Variants in GPR176 observed in about 807,000 individuals in gnomAD.
The protein encoded by GPR176 is G protein-coupled receptor 176.
Under a neutral mutation model 35.4 loss-of-function variants are expected in GPR176, and 26 were observed. The ratio of observed to expected loss-of-function variants is 0.74; its 90% CI spans 0.54 to 1.02. The LOEUF is 1.02. Among genes scored for constraint, GPR176 ranks in the 50% least tolerant of loss-of-function variants. The pLI is 0.00. For synonymous variants in GPR176, 278 were observed against 271.3 expected (o/e 1.02, Z -0.24); for missense variants, 597 against 665.3 (o/e 0.90, Z 1.13).
At chr15:39,808,648 T>C (rs1484412033) in intron 1 of GPR176, among the ~76,000 whole-genome samples, 1 of 152,238 alleles carries the variant, frequency 6.6e-6, no homozygotes, top group East Asian at 1.9e-4. Context: ...GAAGAAAAAC[T>C]GTATCAATCT....
intron 1 of GPR176, among the ~76,000 whole-genome samples, chr15:39,811,411 T>A (rs1159888290): frequency 6.6e-6 from 1 of 152,184 alleles, no homozygotes; most frequent in Non-Finnish European, 1.5e-5. Flanking sequence ...TGATCCCATC[T>A]GTTCTTTTTT....
At chr15:39,863,061 T>G (rs960354188) in intron 1 of GPR176, among the ~76,000 whole-genome samples, 12 of 148,950 alleles carry the variant, frequency 8.1e-5, no homozygotes, top group Non-Finnish European at 1.5e-4. Context: ...TAGTTTTTCT[T>G]TTTTTTTTTT....
chr15:39,912,366 C>T (rs1412874183), intron 1 of GPR176, among the ~76,000 whole-genome samples: 1 of 151,980 alleles, frequency 6.6e-6, no homozygotes, highest in African/African-American at 2.4e-5. Context: ...CCTGTAATCC[C>T]AGCACTTTGG....
At chr15:39,848,393 G>A (rs2030598543) in intron 1 of GPR176, among the ~76,000 whole-genome samples, 1 of 152,102 alleles carries the variant, frequency 6.6e-6, no homozygotes, top group Non-Finnish European at 1.5e-5. Context: ...CCCTCTTTCA[G>A]CAACTGATAA....
chr15:39,894,749 C>T lies in GPR176; in HGVS notation c.172+25106G>A, dbSNP rs1295488110. Among the ~76,000 whole-genome samples the T allele has an allele frequency of 3.3e-5, 5 of 150,682 alleles. No homozygotes were observed. In the East Asian group the frequency reaches 6.0e-4, roughly 18 times the overall value. On this transcript the variant is annotated intron_variant, in intron 1 of 2. Transcript: ENST00000561100. ...TCACTTTCCAGACTGGGCAGCCAGG[C>T]AGAGGGGCTCCTCACATCCCAGATG... is the stretch of plus-strand genomic sequence containing the variant.
At position 39,901,192 on chromosome 15, in the gene GPR176, T is replaced by A. The variant is rs530935731; in HGVS notation, c.172+18663A>T. Among the ~76,000 whole-genome samples the A allele has an allele frequency of 7.9e-5, 12 of 152,218 alleles. No homozygotes were observed. The East Asian group carries it at 2.3e-3, about 29-fold the overall frequency. On this transcript the variant is annotated intron_variant, in intron 1 of 2. Transcript: ENST00000561100. Reference sequence around the variant, plus strand: ...TTTATATTAATACCCAACACTACCTTTATATTAATAACAAGATGTACCCAA... The same window carrying A: ...TTTATATTAATACCCAACACTACCTATATATTAATAACAAGATGTACCCAA...
intron 1 of GPR176, among the ~76,000 whole-genome samples, chr15:39,826,973 C>A (rs962194520): frequency 6.6e-6 from 1 of 152,070 alleles, no homozygotes; most frequent in African/African-American, 2.4e-5. Flanking sequence ...TGGGTGGTGT[C>A]CACTGAAGAA....
intron 1 of GPR176, among the ~76,000 whole-genome samples, chr15:39,877,921 A>G (rs1016087373): frequency 6.6e-6 from 1 of 152,096 alleles, no homozygotes; most frequent in Non-Finnish European, 1.5e-5. Flanking sequence ...GTTCAAAACA[A>G]TGACACAGCC....
At chr15:39,888,003 T>A (rs1422940430) in intron 1 of GPR176, among the ~76,000 whole-genome samples, 4 of 152,204 alleles carry the variant, frequency 2.6e-5, no homozygotes, top group Non-Finnish European at 2.9e-5. Context: ...ACAAACTTTC[T>A]AACTTAGCTT....
At chr15:39,878,173 G>A (rs1222976965) in intron 1 of GPR176, among the ~76,000 whole-genome samples, 2 of 139,898 alleles carry the variant, frequency 1.4e-5, no homozygotes, top group Non-Finnish European at 3.1e-5. Flanking sequence ...AATTTCAAGT[G>A]TACAATACAG....
At chr15:39,805,498 C>T (rs1899132768) in intron 2 of GPR176, among the ~76,000 whole-genome samples, 1 of 151,934 alleles carries the variant, frequency 6.6e-6, no homozygotes, top group African/African-American at 2.4e-5. Context: ...AAGTCCTGCC[C>T]ACCGAGTCTA....
intron 1 of GPR176, among the ~76,000 whole-genome samples, chr15:39,839,810 T>C (rs1383841270): frequency 6.6e-6 from 1 of 151,864 alleles, no homozygotes; most frequent in African/African-American, 2.4e-5. Flanking sequence ...CATCAAAAAG[T>C]GGGTGAAGGA....
At chr15:39,841,931 A>AAT (rs1266284656) in intron 1 of GPR176, among the ~76,000 whole-genome samples, 1 of 152,092 alleles carries the variant, frequency 6.6e-6, no homozygotes, top group African/African-American at 2.4e-5. Context: ...TTTGCAACTT[A>AAT]ATACATTAAG....
intron 1 of GPR176, among the ~76,000 whole-genome samples, chr15:39,811,809 A>G (rs959453514): frequency 2.0e-5 from 3 of 152,186 alleles, no homozygotes; most frequent in South Asian, 2.1e-4. Flanking sequence ...CCAGCTACTC[A>G]GCAGGCTGAG....
chr15:39,821,922 T>C (rs976954939), intron 1 of GPR176, among the ~76,000 whole-genome samples: 6 of 152,240 alleles, frequency 3.9e-5, no homozygotes, highest in East Asian at 3.8e-4. Flanking sequence ...GTGTAAACAA[T>C]AGGACATGAC....
intron 1 of GPR176, among the ~76,000 whole-genome samples, chr15:39,817,208 A>AT (rs77006251): frequency 0.074 from 11,247 of 152,096 alleles, 592 homozygotes; most frequent in East Asian, 0.16. Context: ...AAACTATTCC[A>AT]TTTTTTGCCA....
intron 1 of GPR176, among the ~76,000 whole-genome samples, chr15:39,902,953 T>A (rs1177017439): frequency 6.6e-6 from 1 of 152,230 alleles, no homozygotes; most frequent in Non-Finnish European, 1.5e-5. Context: ...GGTCCCAACC[T>A]ATGAGAGTTC....
intron 1 of GPR176, among the ~76,000 whole-genome samples, chr15:39,916,494 G>A (rs776204997): frequency 6.6e-6 from 1 of 151,974 alleles, no homozygotes; most frequent in Non-Finnish European, 1.5e-5. Context: ...AAGTTCTTAG[G>A]GATTTTTCCT....
chr15:39,884,023 C>T (rs1224716317), intron 1 of GPR176, among the ~76,000 whole-genome samples: 1 of 152,146 alleles, frequency 6.6e-6, no homozygotes, highest in Admixed American at 6.5e-5. Context: ...AACATCTCTG[C>T]CCCAGAAGAG....
Sources: gnomAD v4.1 joint callset for allele counts (sites outside exome capture counted in the v4.1 genomes callset) on GRCh38, gnomAD v4.1.1 for gene constraint, MANE v1.5 for transcripts, NCBI Gene and HGNC (gene_info 2026-07-23, HGNC 2026-07-21) for gene names.